The following EDA2R variants were observed in gnomAD, a reference collection of about 807,000 sequenced individuals.
EDA2R encodes the protein ectodysplasin A2 receptor.
In EDA2R, 26 loss-of-function variants were observed where a neutral mutation model predicts 20.1. The observed-to-expected ratio is 1.30, with a 90% CI of 0.95 to 1.80. The LOEUF is 1.80. Ranked by LOEUF, EDA2R falls within the 40% of genes most tolerant of loss-of-function variation. The pLI is 0.00. For missense variants in EDA2R, 277 were observed against 228.7 expected, an observed-to-expected ratio of 1.21 and a Z score of -1.36; for synonymous variants, 114 against 88.7, an observed-to-expected ratio of 1.29 and a Z score of -1.60.
intron 1 of EDA2R, among the ~76,000 whole-genome samples, chrX:66,624,212 A>T (rs1311743332): frequency 8.9e-6 from 1 of 112,184 alleles, no homozygotes; most frequent in East Asian, 2.8e-4. Flanking sequence ...GAAGCTAGGG[A>T]TTGTTATCAA....
intron 2 of EDA2R, among the ~76,000 whole-genome samples, chrX:66,609,643 C>T (rs903616330): frequency 8.9e-6 from 1 of 111,832 alleles, no homozygotes; most frequent in Non-Finnish European, 1.9e-5. Context: ...TTAACTCCCA[C>T]TTTTACTACT....
chrX:66,610,276 C>CACACAA (rs1555950283), intron 2 of EDA2R, among the ~76,000 whole-genome samples: 2 of 101,922 alleles, frequency 2.0e-5, no homozygotes, highest in Non-Finnish European at 4.0e-5. Context: ...TACACAAACA[C>CACACAA]ACACACACAC....
At chrX:66,620,830 GA>G (rs1205473291) in intron 1 of EDA2R, among the ~76,000 whole-genome samples, 1 of 109,299 alleles carries the variant, frequency 9.1e-6, no homozygotes, top group Non-Finnish European at 1.9e-5. Context: ...ATTTAAAAAT[GA>G]GTAGAGAATT....
chrX:66,634,156 T>C lies in EDA2R; in HGVS notation c.-11+4839A>G, dbSNP rs576481246. ...TTAACAAAGGACTGGAAGAATACAA[T>C]GAGAACTATAGAATGAGGCATGTCT... On this transcript the variant is annotated intron_variant, in intron 1 of 6. Coordinates refer to ENST00000374719, the MANE Select transcript of EDA2R (RefSeq NM_021783.5). Among the ~76,000 whole-genome samples, 8 of 111,972 alleles carry C rather than the reference T, an allele frequency of 7.1e-5. No homozygotes were observed. The South Asian group carries it at 3.0e-3, about 42-fold the overall frequency.
intron 1 of EDA2R, among the ~76,000 whole-genome samples, chrX:66,633,689 T>G (rs1351534355): frequency 9.0e-6 from 1 of 111,289 alleles, no homozygotes; most frequent in African/African-American, 3.3e-5. Flanking sequence ...CTAGCCAAAG[T>G]GAGTCACTGG....
chrX:66,629,628 C>A (rs1380432287), intron 1 of EDA2R, among the ~76,000 whole-genome samples: 1 of 111,530 alleles, frequency 9.0e-6, no homozygotes. Flanking sequence ...AGGAATATAT[C>A]TAACCATGGA....
At chrX:66,629,516 C>A (rs1476959968) in intron 1 of EDA2R, among the ~76,000 whole-genome samples, 2 of 111,771 alleles carry the variant, frequency 1.8e-5, no homozygotes, top group Non-Finnish European at 3.8e-5. Flanking sequence ...GACTAAAGTA[C>A]AGAATTCAGT....
rs1471488372 is a variant in EDA2R at position 66,606,709 on chromosome X, A to T, written c.88-1483T>A. Among the ~76,000 whole-genome samples the T allele has an allele frequency of 4.4e-5, 5 of 112,361 alleles. No individual in the cohort carries two copies. The Admixed American group carries it at 4.7e-4, about 11-fold the overall frequency. On this transcript the variant is annotated intron_variant, in intron 2 of 6. Coordinates refer to ENST00000374719, the MANE Select transcript of EDA2R (RefSeq NM_021783.5). The stretch of plus-strand genomic sequence containing the variant: ...GTACTTGTTACATCCCTCACCCCAG[A>T]GCAGTGGCAGTCCTAAAGTAGTGGA...
intron 1 of EDA2R, among the ~76,000 whole-genome samples, chrX:66,618,215 T>C (rs1270365967): frequency 8.9e-6 from 1 of 112,223 alleles, no homozygotes; most frequent in African/African-American, 3.2e-5. Context: ...TACTATTTAT[T>C]CAAAGCATAC....
chrX:66,607,449 G>T (rs955833560), intron 2 of EDA2R, among the ~76,000 whole-genome samples: 9 of 110,683 alleles, frequency 8.1e-5, no homozygotes, highest in African/African-American at 2.6e-4. Context: ...AAGCCTTGTT[G>T]CCAAAAATAC....
chrX:66,615,113 A>G (rs940637449), intron 2 of EDA2R, among the ~76,000 whole-genome samples: 7 of 111,382 alleles, frequency 6.3e-5, no homozygotes, highest in African/African-American at 2.3e-4. Context: ...TTATCTCTGT[A>G]TGTGTCTCAA....
chrX:66,617,850 C>T (rs945035072), intron 1 of EDA2R, among the ~76,000 whole-genome samples: 6 of 94,970 alleles, frequency 6.3e-5, no homozygotes, highest in Non-Finnish European at 1.3e-4. Flanking sequence ...TCCCTTCCTT[C>T]CTTCCTTCTT....
chrX:66,609,296 T>G (rs987361309), intron 2 of EDA2R, among the ~76,000 whole-genome samples: 1 of 111,639 alleles, frequency 9.0e-6, no homozygotes, highest in African/African-American at 3.3e-5. Context: ...TAAGTTATAC[T>G]TTCCCAGGAG....
intron 2 of EDA2R, among the ~76,000 whole-genome samples, chrX:66,608,177 T>G (rs959306296): frequency 1.8e-5 from 2 of 111,512 alleles, no homozygotes; most frequent in Admixed American, 1.9e-4. Flanking sequence ...GAGAAGAAAG[T>G]AAACAGAACA....
chrX:66,621,841 G>C (rs1186441286), intron 1 of EDA2R, among the ~76,000 whole-genome samples: 2 of 112,114 alleles, frequency 1.8e-5, no homozygotes, highest in Non-Finnish European at 3.8e-5. Context: ...GTGTGACTTT[G>C]TGAATATGCT....
intron 1 of EDA2R, among the ~76,000 whole-genome samples, chrX:66,622,479 G>C (rs1181663050): frequency 9.0e-6 from 1 of 111,635 alleles, no homozygotes; most frequent in East Asian, 2.8e-4. Flanking sequence ...AGAAGGACAA[G>C]TCTAAATTAA....
At chrX:66,605,302 G>C in intron 2 of EDA2R, 76 bp from the exon 3 acceptor site, 2 of 971,868 alleles carry the variant, frequency 2.1e-6, no homozygotes, top group Non-Finnish European at 1.4e-6. Context: ...CAAGTGGACT[G>C]TACAGGGTAG....
chrX:66,636,574 A>G (rs1277334881), intron 1 of EDA2R, among the ~76,000 whole-genome samples: 2 of 110,078 alleles, frequency 1.8e-5, no homozygotes, highest in Non-Finnish European at 3.8e-5. Flanking sequence ...TAACAGTCCA[A>G]GGCTTTCCCT....
chrX:66,612,249 C>T (rs1746497789), intron 2 of EDA2R, among the ~76,000 whole-genome samples: 1 of 111,053 alleles, frequency 9.0e-6, no homozygotes, highest in African/African-American at 3.3e-5. Context: ...CTTGGAGCAT[C>T]AGGAAGGAAG....
Sources: allele counts gnomAD v4.1 joint callset (sites outside exome capture counted in the v4.1 genomes callset), GRCh38; gene constraint gnomAD v4.1.1; transcripts MANE v1.5; gene names NCBI Gene and HGNC (gene_info 2026-07-23, HGNC 2026-07-21).